The following ADARB2 variants were observed in gnomAD, a reference collection of about 807,000 sequenced individuals.
ADARB2 encodes adenosine deaminase RNA specific B2 (inactive).
A neutral mutation model predicts 62.2 loss-of-function variants in ADARB2; 25 were observed. The ratio of observed to expected loss-of-function variants is 0.40; its 90% confidence interval spans 0.29 to 0.56. The LOEUF is 0.56. Ranked by LOEUF, ADARB2 falls within the 20% of genes least tolerant of loss-of-function variation. ADARB2 has a pLI of 0.43. For synonymous variants in ADARB2, 572 were observed against 500.8 expected (o/e 1.14, Z -1.90); for missense variants, 1,071 against 1,077.4 (o/e 0.99, Z 0.08).
intron 4 of ADARB2, among the ~76,000 whole-genome samples, chr10:1,256,921 C>G (rs957287271): frequency 1.1e-4 from 16 of 152,336 alleles, no homozygotes; most frequent in African/African-American, 3.8e-4. Context: ...CCGAGGATGG[C>G]TGACAAGGTC....
chr10:1,598,436 G>T (rs2132012700), intron 1 of ADARB2, among the ~76,000 whole-genome samples: 1 of 152,330 alleles, frequency 6.6e-6, no homozygotes, highest in East Asian at 1.9e-4. Context: ...TAAAATAAAT[G>T]AGGATCATAA....
chr10:1,562,800 C>G (rs1468562867), intron 1 of ADARB2, among the ~76,000 whole-genome samples: 1 of 152,186 alleles, frequency 6.6e-6, no homozygotes, highest in Non-Finnish European at 1.5e-5. Context: ...GGCCTTTGCC[C>G]TTGCAGGGGT....
intron 1 of ADARB2, among the ~76,000 whole-genome samples, chr10:1,412,564 C>T (rs934535870): frequency 2.0e-5 from 3 of 152,226 alleles, no homozygotes; most frequent in South Asian, 4.2e-4. Flanking sequence ...TTTGAGCCAA[C>T]GCATAAAGCA....
intron 4 of ADARB2, among the ~76,000 whole-genome samples, chr10:1,258,475 GCAAA>G (rs930834822): frequency 1.3e-5 from 2 of 151,992 alleles, no homozygotes; most frequent in African/African-American, 4.8e-5. Flanking sequence ...CAAGCAAATG[GCAAA>G]CAAAGGCAGG....
chr10:1,586,416 G>A (rs1288374368), intron 1 of ADARB2, among the ~76,000 whole-genome samples: 3 of 152,182 alleles, frequency 2.0e-5, no homozygotes, highest in African/African-American at 4.8e-5. Context: ...CGGGATGGTC[G>A]GGAATGGCTC....
chr10:1,189,804 C>T (rs1421538576), intron 8 of ADARB2, among the ~76,000 whole-genome samples: 2 of 119,586 alleles, frequency 1.7e-5, no homozygotes, highest in South Asian at 3.4e-4. Context: ...CCCCAGAACA[C>T]GTGGCGCTAC....
At chr10:1,725,335 C>T (rs1194925624) in intron 1 of ADARB2, among the ~76,000 whole-genome samples, 1 of 152,212 alleles carries the variant, frequency 6.6e-6, no homozygotes, top group Non-Finnish European at 1.5e-5. Context: ...TTTATTTCTT[C>T]TCCATCATGG....
At chr10:1,651,441 GA>G (rs1834109709) in intron 1 of ADARB2, among the ~76,000 whole-genome samples, 1 of 152,222 alleles carries the variant, frequency 6.6e-6, no homozygotes, top group African/African-American at 2.4e-5. Flanking sequence ...TGATGTGAGA[GA>G]GGGGGCAGCA....
At position 1,184,839 on chromosome 10, in the gene ADARB2, T is replaced by C. The variant is rs1317822572; in HGVS notation, c.2043+22A>G. 3 of 1,605,012 alleles carry C rather than the reference T, an allele frequency of 1.9e-6. No individual in the cohort carries two copies. The African/African-American group carries it at 4.0e-5, about 21-fold the overall frequency. ...AGGGTCTGGCTGGGTCCAGTTTCCC[T>C]GCAAGGATGGGTGCGACCTACCCTG... On this transcript the variant is annotated intron_variant, in intron 9 of 9. Coordinates refer to ENST00000381312, the MANE Select transcript of ADARB2 (RefSeq NM_018702.4).
chr10:1,339,813 A>G (rs1262474892), intron 3 of ADARB2, among the ~76,000 whole-genome samples: 2 of 152,238 alleles, frequency 1.3e-5, no homozygotes, highest in African/African-American at 2.4e-5. Flanking sequence ...CAGACTTTCA[A>G]AAAGGAATGC....
Position 1,217,057 on chromosome 10 carries a change from C to T in ADARB2, c.1576G>A (p.Gly526Arg), listed in dbSNP as rs562949646. 19 of 1,609,926 alleles carry T rather than the reference C, an allele frequency of 1.2e-5. No homozygotes were observed. The highest frequency in any genetic ancestry group is 6.7e-5 in the East Asian group (3 of 44,694). ...RGHLRTKIESGEGTVPVRGPS... is the reference protein window; with the variant it reads ...RGHLRTKIESREGTVPVRGPS... ...CCACGCACGGGGACCGTCCCTTCCCCGGACTCGATCTTGGTGCGCAGGTGC... is the reference window on the plus strand; with the variant it reads ...CCACGCACGGGGACCGTCCCTTCCCTGGACTCGATCTTGGTGCGCAGGTGC... Residue 526 changes from glycine to arginine, a missense_variant, in exon 7 of 10, where the codon GGG becomes AGG. Physicochemically the swap from Gly to Arg is moderately radical, Grantham distance 125. Coordinates refer to ENST00000381312, the MANE Select transcript of ADARB2 (RefSeq NM_018702.4).
intron 2 of ADARB2, among the ~76,000 whole-genome samples, chr10:1,368,839 C>G (rs1290936493): frequency 1.5e-5 from 2 of 131,594 alleles, no homozygotes; most frequent in African/African-American, 5.9e-5. Context: ...TGGGGCCGGG[C>G]TGGGTGAGGG....
At chr10:1,248,004 CAA>C (rs1182256813) in intron 4 of ADARB2, among the ~76,000 whole-genome samples, 2 of 152,234 alleles carry the variant, frequency 1.3e-5, no homozygotes, top group Non-Finnish European at 2.9e-5. Flanking sequence ...GCTCTGCACT[CAA>C]TGAGCAATGC....
intron 1 of ADARB2, among the ~76,000 whole-genome samples, chr10:1,582,406 A>C (rs1833116948): frequency 6.6e-6 from 1 of 152,158 alleles, no homozygotes; most frequent in South Asian, 2.1e-4. Flanking sequence ...TCCACATTTT[A>C]TGCCTTAGGA....
intron 1 of ADARB2, among the ~76,000 whole-genome samples, chr10:1,487,717 A>T (rs775609363): frequency 2.6e-5 from 4 of 152,218 alleles, no homozygotes; most frequent in Non-Finnish European, 4.4e-5. Flanking sequence ...AATGTGCAAA[A>T]AGATGTTTGT....
At chr10:1,562,019 A>G (rs1295539177) in intron 1 of ADARB2, among the ~76,000 whole-genome samples, 1 of 152,140 alleles carries the variant, frequency 6.6e-6, no homozygotes, top group South Asian at 2.1e-4. Context: ...TTCCGAGCTC[A>G]TCGCCTCCCA....
chr10:1,380,742 T>C (rs1832475853), intron 1 of ADARB2, among the ~76,000 whole-genome samples: 1 of 152,172 alleles, frequency 6.6e-6, no homozygotes, highest in African/African-American at 2.4e-5. Context: ...CGAACAAGAA[T>C]AAACCAGGGA....
At chr10:1,245,454 A>G (rs1361953462) in intron 4 of ADARB2, among the ~76,000 whole-genome samples, 1 of 152,060 alleles carries the variant, frequency 6.6e-6, no homozygotes, top group East Asian at 1.9e-4. Context: ...GTCATTTAAC[A>G]TTAGGTATAT....
At position 1,273,588 on chromosome 10, in the gene ADARB2, C is replaced by T. The variant is rs116735426; in HGVS notation, c.1078-2519G>A. Among the ~76,000 whole-genome samples the T allele has an allele frequency of 5.3e-4, 80 of 152,314 alleles. 1 individual carries two copies. The highest frequency in any genetic ancestry group is 1.4e-3 in the African/African-American group (60 of 41,566). The stretch of plus-strand genomic sequence containing the variant: ...GGTCAGGCCTGGCTGTGAGGTTGTC[C>T]GGCCCCGCCTGTGCCCCCCACGACC... On this transcript the variant is annotated intron_variant, in intron 3 of 9. Transcript: ENST00000381312.
Sources: gnomAD v4.1 joint callset for allele counts (sites outside exome capture counted in the v4.1 genomes callset) on GRCh38, gnomAD v4.1.1 for gene constraint, MANE v1.5 for transcripts, NCBI Gene and HGNC (gene_info 2026-07-23, HGNC 2026-07-21) for gene names.